The following CASQ2 variants were observed in gnomAD, a reference collection of about 807,000 sequenced individuals.
CASQ2 encodes the protein calsequestrin-2.
Under a neutral mutation model 46.5 loss-of-function variants are expected in CASQ2, and 49 were observed. The observed-to-expected ratio is 1.05, with a 90% confidence interval of 0.84 to 1.34. The LOEUF is 1.34. Ranked by LOEUF, CASQ2 falls within the 40% of genes most tolerant of loss-of-function variation. The pLI is 0.00. For missense variants in CASQ2, 486 were observed against 481.3 expected (o/e 1.01, Z -0.09); for synonymous variants, 174 against 168.5 (o/e 1.03, Z -0.25).
intron 10 of CASQ2, 127 bp from the exon 11 acceptor site, chr1:115,701,553 T>TTGTTAAATGGAAA: frequency 2.8e-6 from 2 of 721,614 alleles, no homozygotes; most frequent in Admixed American, 4.0e-5. Flanking sequence ...AACGTGCACA[T>TTGTTAAATGGAAA]TGTTAAATGG....
chr1:115,722,352 C>T (rs970994189), intron 7 of CASQ2, among the ~76,000 whole-genome samples: 1 of 152,202 alleles, frequency 6.6e-6, no homozygotes, highest in African/African-American at 2.4e-5. Flanking sequence ...TTATCTTATT[C>T]ATTAAATGAA....
intron 8 of CASQ2, among the ~76,000 whole-genome samples, chr1:115,713,907 C>T (rs780594478): frequency 1.7e-4 from 26 of 152,200 alleles, no homozygotes; most frequent in Non-Finnish European, 2.9e-4. Context: ...GAACATGCCA[C>T]TGCATTGCCC....
intron 8 of CASQ2, among the ~76,000 whole-genome samples, chr1:115,711,724 G>C (rs1435510742): frequency 6.6e-6 from 1 of 151,586 alleles, no homozygotes; most frequent in South Asian, 2.1e-4. Flanking sequence ...GTGTGGTCTC[G>C]GCTCACTGCA....
Position 115,768,396 on chromosome 1 carries a change from T to C in CASQ2, c.146A>G (p.Tyr49Cys), listed in dbSNP as rs1649202700. 8.7e-6 allele frequency: 14 copies of C among 1,614,080 alleles called. No individual in the cohort carries two copies. The highest frequency in any genetic ancestry group is 1.3e-5 in the African/African-American group (1 of 75,048). ...EKNFKQVLKK[Y>C]DLLCLYYHEP... The stretch of plus-strand genomic sequence containing the variant: ...ATGGTAGTAGAGGCAAAGCAAGTCA[T>C]ATTTCTTTAAAACCTGCTTGAAGTT... The change falls in exon 1 of 11, where the codon TAT (tyrosine) becomes TGT (cysteine). Residue 49 changes from tyrosine (Y) to cysteine (C), a missense_variant. Coordinates refer to ENST00000261448, the MANE Select transcript of CASQ2 (RefSeq NM_001232.4).
At chr1:115,710,953 C>G (rs563925437) in intron 8 of CASQ2, among the ~76,000 whole-genome samples, 1 of 152,260 alleles carries the variant, frequency 6.6e-6, no homozygotes, top group East Asian at 1.9e-4. Flanking sequence ...GGGAATGAGC[C>G]TTCACCAAGC....
intron 2 of CASQ2, among the ~76,000 whole-genome samples, chr1:115,741,298 T>C (rs755702877): frequency 3.9e-5 from 6 of 152,246 alleles, no homozygotes; most frequent in Non-Finnish European, 5.9e-5. Flanking sequence ...CCTGTCCACA[T>C]GTTTATATGA....
intron 5 of CASQ2, among the ~76,000 whole-genome samples, chr1:115,731,362 C>A (rs771776565): frequency 6.6e-6 from 1 of 152,156 alleles, no homozygotes; most frequent in East Asian, 1.9e-4. Context: ...CCTCTCTATT[C>A]CTTTCAGCTG....
At chr1:115,767,139 T>C (rs1649164025) in intron 1 of CASQ2, among the ~76,000 whole-genome samples, 1 of 152,140 alleles carries the variant, frequency 6.6e-6, no homozygotes, top group Non-Finnish European at 1.5e-5. Flanking sequence ...ATGTAAGTGT[T>C]GGTTTCATGT....
chr1:115,726,964 C>A, intron 6 of CASQ2, 28 bp downstream of exon 6: 3 of 1,511,162 alleles, frequency 2.0e-6, no homozygotes, highest in Non-Finnish European at 1.8e-6. Flanking sequence ...ACCCCAGGCC[C>A]CCAGCCCCCA....
chr1:115,711,937 G>A (rs1292587611), intron 8 of CASQ2, among the ~76,000 whole-genome samples: 1 of 151,926 alleles, frequency 6.6e-6, no homozygotes, highest in East Asian at 1.9e-4. Context: ...CAGGCGTAAG[G>A]GTTTTGTTTG....
intron 1 of CASQ2, among the ~76,000 whole-genome samples, chr1:115,762,144 G>A (rs1648985301): frequency 6.6e-6 from 1 of 152,170 alleles, no homozygotes; most frequent in African/African-American, 2.4e-5. Flanking sequence ...AGGTAGACCT[G>A]GTTCAACTTC....
At chr1:115,714,666 C>T (rs566321885) in intron 8 of CASQ2, among the ~76,000 whole-genome samples, 1 of 152,248 alleles carries the variant, frequency 6.6e-6, no homozygotes, top group East Asian at 1.9e-4. Flanking sequence ...GCCCATTGCC[C>T]CAGGTTACAC....
intron 8 of CASQ2, among the ~76,000 whole-genome samples, chr1:115,713,083 C>CT (rs1185866129): frequency 2.6e-5 from 4 of 152,044 alleles, no homozygotes; most frequent in Non-Finnish European, 5.9e-5. Flanking sequence ...GCAGCCTTTC[C>CT]TTGCATTTCC....
chr1:115,702,969 G>A lies in CASQ2; in HGVS notation c.966C>T (p.Phe322=). The change falls in exon 10 of 11, where the codon TTC becomes TTT. Residue 322 remains phenylalanine, a synonymous_variant. Coordinates refer to ENST00000261448, the MANE Select transcript of CASQ2 (RefSeq NM_001232.4). ...PLLVAYWEKT[F]KIDLFRPQIG... is the part of the protein sequence containing the mutation. ...TCTGTGGCCTGAATAGGTCAATCTT[G>A]AAAGTCTTCTCCCAGTAGGCAACGA... 3 of 1,613,518 alleles carry A rather than the reference G, an allele frequency of 1.9e-6. No homozygotes were observed. In the Admixed American group the frequency reaches 5.0e-5, roughly 27 times the overall value.
At chr1:115,739,432 T>A (rs537643014) in intron 3 of CASQ2, among the ~76,000 whole-genome samples, 1 of 152,270 alleles carries the variant, frequency 6.6e-6, no homozygotes, top group African/African-American at 2.4e-5. Flanking sequence ...ACATTTTTTT[T>A]AATCCAGTCA....
At chr1:115,708,511 C>T (rs377259605) in intron 8 of CASQ2, among the ~76,000 whole-genome samples, 2 of 152,268 alleles carry the variant, frequency 1.3e-5, no homozygotes, top group African/African-American at 4.8e-5. Context: ...CGTGGATGTA[C>T]CCTTAGAGTG....
At chr1:115,703,091 G>A (rs972966478) in intron 9 of CASQ2, 96 bp from the exon 10 acceptor site, 2 of 934,642 alleles carry the variant, frequency 2.1e-6, no homozygotes, top group East Asian at 5.1e-5. Flanking sequence ...GGTCACCATT[G>A]GTTAAAGGTC....
At chr1:115,730,447 T>C (rs969195753) in intron 5 of CASQ2, among the ~76,000 whole-genome samples, 2 of 152,232 alleles carry the variant, frequency 1.3e-5, no homozygotes, top group African/African-American at 4.8e-5. Context: ...GTTGTGTCCC[T>C]GGCACTAAGA....
At chr1:115,708,078 CG>C (rs1557785937) in intron 8 of CASQ2, among the ~76,000 whole-genome samples, 1 of 152,176 alleles carries the variant, frequency 6.6e-6, no homozygotes, top group African/African-American at 2.4e-5. Context: ...TTACCTACTA[CG>C]TTCCTATTTG....
Sources: allele counts gnomAD v4.1 joint callset (sites outside exome capture counted in the v4.1 genomes callset), GRCh38; gene constraint gnomAD v4.1.1; transcripts MANE v1.5; gene names NCBI Gene and HGNC (gene_info 2026-07-23, HGNC 2026-07-21).